The following RGS9 variants were observed in gnomAD, a reference collection of about 807,000 sequenced individuals.
RGS9 encodes the protein regulator of G-protein signalling 9.
In RGS9, 78 loss-of-function variants were observed where a neutral mutation model predicts 102.0. That is an observed-to-expected ratio of 0.76 (90% CI 0.64 to 0.92). The LOEUF (loss-of-function observed/expected upper bound fraction) is 0.92. RGS9 is among the 40% of genes least tolerant of loss of function. The pLI is 0.00. For synonymous variants in RGS9, 353 were observed against 318.6 expected, an observed-to-expected ratio of 1.11 and a Z score of -1.15; for missense variants, 833 against 866.1, an observed-to-expected ratio of 0.96 and a Z score of 0.48.
At chr17:65,190,432 C>T (rs1002924116) in intron 11 of RGS9, among the ~76,000 whole-genome samples, 196 bp downstream of exon 11, 1 of 152,152 alleles carries the variant, frequency 6.6e-6, no homozygotes, top group Non-Finnish European at 1.5e-5. Flanking sequence ...TTGGGTTATG[C>T]AAAATCGAGC....
chr17:65,206,787 C>T (rs1913080876), intron 15 of RGS9, among the ~76,000 whole-genome samples: 2 of 152,160 alleles, frequency 1.3e-5, no homozygotes, highest in Admixed American at 1.3e-4. Context: ...TTGGTAACTG[C>T]AGAAAAGAAT....
chr17:65,155,564 A>G (rs1355741182), intron 2 of RGS9, among the ~76,000 whole-genome samples: 2 of 152,192 alleles, frequency 1.3e-5, no homozygotes, highest in African/African-American at 2.4e-5. Flanking sequence ...GTTTTGAGAC[A>G]GGGTCTCATG....
chr17:65,198,598 C>CA (rs1203853933), intron 13 of RGS9, among the ~76,000 whole-genome samples: 2 of 152,158 alleles, frequency 1.3e-5, no homozygotes, highest in Admixed American at 6.5e-5. Context: ...GAAGCATCCA[C>CA]AAAAAAACAC....
intron 10 of RGS9, among the ~76,000 whole-genome samples, chr17:65,189,893 C>T (rs146505494): frequency 7.2e-5 from 11 of 152,208 alleles, no homozygotes; most frequent in African/African-American, 2.4e-4. Context: ...AAAAGCCAAG[C>T]GTTTGTCCCC....
chr17:65,162,805 A>G (rs1430137735), intron 6 of RGS9, among the ~76,000 whole-genome samples: 1 of 152,152 alleles, frequency 6.6e-6, no homozygotes. Context: ...AAGAAAACCA[A>G]TAAAAGTGAG....
In RGS9 at chr17:65,160,262, A is replaced by G. The variant is rs1306645747; in HGVS notation, c.235A>G (p.Arg79Gly). 4 of 1,614,152 alleles carry G rather than the reference A, an allele frequency of 2.5e-6. No individual in the cohort carries two copies. Among genetic ancestry groups the G allele is most frequent in the Admixed American group, 1.7e-5 (1 of 60,032 alleles). Residue 79 changes from arginine to glycine, a missense_variant, in exon 4 of 19, where the codon AGG (arginine) becomes GGG (glycine). Around this residue, in one of 3 missense-constraint regions of RGS9, gnomAD observed 328 missense variants for 340.6 expected, o/e 0.96. Transcript: ENST00000262406. The stretch of plus-strand genomic sequence containing the variant: ...ACAGAACTTGGGCAACTTTATTGTC[A>G]GGTATGGCTACATTTACCCCCTGCA... ...EAQNLGNFIV[R>G]YGYIYPLQDP...
At chr17:65,215,883 A>G (rs1913508760) in intron 17 of RGS9, among the ~76,000 whole-genome samples, 1 of 152,078 alleles carries the variant, frequency 6.6e-6, no homozygotes, top group African/African-American at 2.4e-5. Context: ...TGTACCAGAC[A>G]CTGGGAGCCT....
intron 10 of RGS9, 64 bp from the exon 11 acceptor site, chr17:65,190,111 G>A (rs1912309084): frequency 7.8e-7 from 1 of 1,289,702 alleles, no homozygotes; most frequent in Admixed American, 1.7e-5. Flanking sequence ...TTTGGAGGCT[G>A]TGTGTAGTGA....
At position 65,168,232 on chromosome 17, in the gene RGS9, A is replaced by G. The variant is rs1911271501; in HGVS notation, c.533A>G (p.Tyr178Cys). The G allele has an allele frequency of 1.9e-6, 3 of 1,611,680 alleles. No individual in the cohort carries two copies. In the South Asian group the frequency reaches 3.3e-5, roughly 18 times the overall value. Reference sequence around the variant, plus strand: ...AAGGAGAGGAACAAAGCAGACAGATATGCCCTGGACTGCCAGGAGAAGGCA... The same window carrying G: ...AAGGAGAGGAACAAAGCAGACAGATGTGCCCTGGACTGCCAGGAGAAGGCA... ...AGKERNKADR[Y>C]ALDCQEKAYW... Residue 178 changes from tyrosine to cysteine, a missense_variant, in exon 8 of 19, where the codon TAT (tyrosine) becomes TGT (cysteine). Coordinates refer to ENST00000262406, the MANE Select transcript of RGS9 (RefSeq NM_003835.4).
intron 2 of RGS9, among the ~76,000 whole-genome samples, chr17:65,154,799 C>T (rs973610514): frequency 6.6e-6 from 1 of 152,228 alleles, no homozygotes; most frequent in Admixed American, 6.5e-5. Context: ...GTATTGCCTG[C>T]AGAAGCAGAC....
chr17:65,139,108 C>CCAACTCTCCCCCA (rs1910045367), intron 1 of RGS9, among the ~76,000 whole-genome samples: 1 of 40,872 alleles, frequency 2.4e-5, no homozygotes, highest in Non-Finnish European at 5.6e-5. Flanking sequence ...GCTCTCCCCC[C>CCAACTCTCCCCCA]TCCACCCCAC....
chr17:65,139,418 T>G (rs1910070029), intron 1 of RGS9, among the ~76,000 whole-genome samples: 1 of 151,860 alleles, frequency 6.6e-6, no homozygotes, highest in Admixed American at 6.6e-5. Context: ...AGCAGCCTGG[T>G]TACCCAGGAT....
At chr17:65,206,790 A>G (rs1010871107) in intron 15 of RGS9, among the ~76,000 whole-genome samples, 3 of 152,244 alleles carry the variant, frequency 2.0e-5, no homozygotes, top group Non-Finnish European at 4.4e-5. Context: ...GTAACTGCAG[A>G]AAAGAATGGC....
chr17:65,167,156 G>A (rs552886665), intron 7 of RGS9, among the ~76,000 whole-genome samples: 301 of 152,266 alleles, frequency 2.0e-3, no homozygotes, highest in African/African-American at 7.1e-3. Flanking sequence ...AGTGGGAAAG[G>A]GAGAGAGACT....
At chr17:65,153,715 C>A (rs547453486) in intron 2 of RGS9, among the ~76,000 whole-genome samples, 197 bp downstream of exon 2, 3 of 151,682 alleles carry the variant, frequency 2.0e-5, no homozygotes, top group African/African-American at 7.3e-5. Flanking sequence ...CACGGTGAAA[C>A]CTTGTCTCTA....
At chr17:65,169,425 C>T (rs892908032) in intron 8 of RGS9, among the ~76,000 whole-genome samples, 9 of 152,146 alleles carry the variant, frequency 5.9e-5, no homozygotes, top group Admixed American at 1.3e-4. Flanking sequence ...AGATAAGCAC[C>T]CCTCCTGGTT....
At position 65,219,919 on chromosome 17, in the gene RGS9, C is replaced by T. The variant is rs559688503; in HGVS notation, c.1408-5083C>T. On this transcript the variant is annotated intron_variant, in intron 17 of 18. Transcript: ENST00000262406. ...ATCACTATCATCATCACCATCACCA[C>T]CATATCATTATTATTATCATCACCG... Among the ~76,000 whole-genome samples, 15 of 151,984 alleles carry T rather than the reference C, an allele frequency of 9.9e-5. No individual in the cohort carries two copies. In the South Asian group the frequency reaches 3.1e-3, roughly 32 times the overall value.
At chr17:65,148,587 G>T (rs1156680111) in intron 1 of RGS9, among the ~76,000 whole-genome samples, 1 of 152,204 alleles carries the variant, frequency 6.6e-6, no homozygotes, top group African/African-American at 2.4e-5. Context: ...TAAGAAACCT[G>T]AGTCCTTCTT....
chr17:65,225,514 T>G (rs561282167), intron 18 of RGS9, 28 bp downstream of exon 18: 85 of 1,599,394 alleles, frequency 5.3e-5, no homozygotes, highest in Non-Finnish European at 6.8e-5. Flanking sequence ...ACGTGCCGTA[T>G]GCATGGGTGG....
Sources: gnomAD v4.1 joint callset for allele counts (sites outside exome capture counted in the v4.1 genomes callset) on GRCh38, gnomAD v4.1.1 for gene constraint, gnomAD v4.1.1 regional missense constraint, MANE v1.5 for transcripts, NCBI Gene and HGNC (gene_info 2026-07-23, HGNC 2026-07-21) for gene names.